ANK3: variants seen among roughly 807,000 people sequenced by gnomAD.
ANK3 encodes ankyrin-3.
Under a neutral mutation model 370.9 loss-of-function variants are expected in ANK3, and 57 were observed. The ratio of observed to expected loss-of-function variants is 0.15; its 90% CI spans 0.12 to 0.19. The LOEUF is 0.19. Ranked by LOEUF, ANK3 falls within the 10% of genes least tolerant of loss-of-function variation. The probability of loss-of-function intolerance (pLI) is 1.00; values close to 1 mark genes in which losing one functional copy is unlikely to be tolerated. For synonymous variants in ANK3, 1,929 were observed against 1,946.3 expected, an observed-to-expected ratio of 0.99 and a Z score of 0.23; for missense variants, 4,439 against 5,302.1, an observed-to-expected ratio of 0.84 and a Z score of 5.06.
chr10:60,652,573 A>G (rs1344208940), intron 1 of ANK3, among the ~76,000 whole-genome samples: 1 of 152,054 alleles, frequency 6.6e-6, no homozygotes, highest in Non-Finnish European at 1.5e-5. Flanking sequence ...AAAGAGTAAC[A>G]ATTAAGAACA....
At chr10:60,667,053 T>G (rs1459411695) in intron 1 of ANK3, among the ~76,000 whole-genome samples, 1 of 151,244 alleles carries the variant, frequency 6.6e-6, no homozygotes, top group Non-Finnish European at 1.5e-5. Context: ...CTTACACTAC[T>G]GTAAAAAAAA....
Position 60,071,649 on chromosome 10 carries a change from C to A in ANK3, c.9232G>T (p.Ala3078Ser), listed in dbSNP as rs372601342. The A allele has an allele frequency of 6.2e-7, 1 of 1,608,340 alleles. No individual in the cohort carries two copies. Among genetic ancestry groups the A allele is most frequent in the Non-Finnish European group, 8.5e-7 (1 of 1,178,076 alleles). Residue 3078 changes from alanine to serine, a missense_variant, in exon 37 of 44, where the codon GCA becomes TCA. Physicochemically the swap from Ala to Ser is moderately conservative, Grantham distance 99. Coordinates refer to ENST00000280772, the MANE Select transcript of ANK3 (RefSeq NM_020987.5). ...CCTCCCTCTGTCTGGGCTAGTGGTG[C>A]GAGTTTTTCCAATCCATCAATGGGA... ...HSPIDGLEKL[A>S]PLAQTEGGKE...
intron 20 of ANK3, 144 bp from the exon 21 acceptor site, chr10:60,172,547 C>G (rs947863885): frequency 2.9e-6 from 2 of 688,908 alleles, no homozygotes; most frequent in African/African-American, 3.5e-5. Context: ...ATACCTTGCA[C>G]AAAACCCACC....
intron 1 of ANK3, among the ~76,000 whole-genome samples, chr10:60,326,556 C>G (rs1212827732): frequency 6.6e-6 from 1 of 152,008 alleles, no homozygotes; most frequent in Admixed American, 6.5e-5. Context: ...CTAACGCTTC[C>G]TCTCCCTCCT....
At chr10:60,696,735 T>C in intron 1 of ANK3, among the ~76,000 whole-genome samples, 1 of 148,256 alleles carries the variant, frequency 6.7e-6, no homozygotes, top group East Asian at 1.9e-4. Flanking sequence ...ATAAATTAGG[T>C]ATTGATGGGA....
intron 23 of ANK3, among the ~76,000 whole-genome samples, chr10:60,155,558 T>C (rs142238733): frequency 2.7e-4 from 41 of 152,276 alleles, no homozygotes; most frequent in East Asian, 1.5e-3. Flanking sequence ...GAGGTTGTGA[T>C]AGTTAATATT....
chr10:60,431,361 G>A (rs1179117404), intron 2 of ANK3, among the ~76,000 whole-genome samples: 2 of 152,084 alleles, frequency 1.3e-5, no homozygotes, highest in East Asian at 1.9e-4. Context: ...CTCTAATGCC[G>A]CTGCTGATCT....
At chr10:60,133,545 G>A (rs939381723) in intron 25 of ANK3, among the ~76,000 whole-genome samples, 36 of 152,128 alleles carry the variant, frequency 2.4e-4, no homozygotes, top group African/African-American at 8.4e-4. Flanking sequence ...GAAGCTAAGG[G>A]AACAAAAAAT....
intron 2 of ANK3, among the ~76,000 whole-genome samples, chr10:60,413,039 C>A (rs1056115963): frequency 6.6e-6 from 1 of 152,152 alleles, no homozygotes; most frequent in African/African-American, 2.4e-5. Flanking sequence ...GTTTCAGAAA[C>A]AATAAAACCT....
Position 60,108,641 on chromosome 10 carries a change from T to G in ANK3, c.3173+189A>C, listed in dbSNP as rs181053681. On this transcript the variant is annotated intron_variant, in intron 27 of 43. Transcript: ENST00000280772. Reference sequence around the variant, plus strand: ...TAAAAGCCTTGACTAGCAAACTGAGTTAAGAAAGTATCAGCCTATTAGCCT... The same window carrying G: ...TAAAAGCCTTGACTAGCAAACTGAGGTAAGAAAGTATCAGCCTATTAGCCT... Among the ~76,000 whole-genome samples the G allele has an allele frequency of 3.3e-5, 5 of 152,186 alleles. No individual in the cohort carries two copies. In the East Asian group the frequency reaches 7.7e-4, roughly 24 times the overall value.
intron 2 of ANK3, among the ~76,000 whole-genome samples, chr10:60,577,657 T>C (rs2077699806): frequency 6.6e-6 from 1 of 152,174 alleles, no homozygotes; most frequent in African/African-American, 2.4e-5. Flanking sequence ...TTAAATCTCT[T>C]TTTCTTTAGT....
At chr10:60,316,896 G>C (rs191407460) in intron 1 of ANK3, among the ~76,000 whole-genome samples, 4,440 of 151,964 alleles carry the variant, frequency 0.029, 139 homozygotes, top group African/African-American at 0.08. Flanking sequence ...ACAGGCGCCC[G>C]CCACCACGCC....
At chr10:60,661,456 T>A (rs558133457) in intron 1 of ANK3, among the ~76,000 whole-genome samples, 2 of 152,286 alleles carry the variant, frequency 1.3e-5, no homozygotes, top group African/African-American at 4.8e-5. Context: ...GACATACAGA[T>A]TATAAGGGCC....
chr10:60,129,860 G>T (rs942566980), intron 25 of ANK3, among the ~76,000 whole-genome samples: 2 of 152,108 alleles, frequency 1.3e-5, no homozygotes, highest in African/African-American at 2.4e-5. Context: ...ACAAATCCAA[G>T]ACATGATTTC....
chr10:60,499,160 T>A (rs953005981), intron 2 of ANK3, among the ~76,000 whole-genome samples: 1 of 152,180 alleles, frequency 6.6e-6, no homozygotes, highest in Non-Finnish European at 1.5e-5. Flanking sequence ...CCTCAATATG[T>A]CCATAAAACT....
intron 1 of ANK3, among the ~76,000 whole-genome samples, chr10:60,672,367 A>T (rs2079072956): frequency 6.6e-6 from 1 of 152,228 alleles, no homozygotes; most frequent in South Asian, 2.1e-4. Flanking sequence ...GGCCATGATT[A>T]GAAGCTTGGA....
At chr10:60,705,901 C>T (rs965675842) in intron 1 of ANK3, among the ~76,000 whole-genome samples, 1 of 147,468 alleles carries the variant, frequency 6.8e-6, no homozygotes, top group Admixed American at 6.9e-5. Flanking sequence ...TGGCTCACTG[C>T]ACCCTCGACC....
At chr10:60,381,149 G>A (rs1011464700) in intron 1 of ANK3, among the ~76,000 whole-genome samples, 3 of 152,032 alleles carry the variant, frequency 2.0e-5, no homozygotes, top group African/African-American at 4.8e-5. Context: ...GTAATATTTT[G>A]TTCCTTCTAC....
intron 23 of ANK3, among the ~76,000 whole-genome samples, chr10:60,143,052 AT>A (rs1371952821): frequency 6.6e-6 from 1 of 152,194 alleles, no homozygotes; most frequent in Non-Finnish European, 1.5e-5. Context: ...CACGATTACT[AT>A]TATTCTGTTG....
Sources: gnomAD v4.1 joint callset for allele counts (sites outside exome capture counted in the v4.1 genomes callset) on GRCh38, gnomAD v4.1.1 for gene constraint, MANE v1.5 for transcripts, NCBI Gene and HGNC (gene_info 2026-07-23, HGNC 2026-07-21) for gene names.